DLG2: variants seen among roughly 807,000 people sequenced by gnomAD.
DLG2 encodes discs large MAGUK scaffold protein 2, also known as disks large homolog 2.
DLG2 carries 45 observed loss-of-function variants against 132.5 expected under a neutral mutation model. The observed-to-expected ratio is 0.34, with a 90% CI of 0.27 to 0.44. The LOEUF is 0.44. Ranked by LOEUF, DLG2 falls within the 20% of genes least tolerant of loss-of-function variation. DLG2 has a pLI of 1.00. For missense variants in DLG2, 1,045 were observed against 1,196.9 expected (o/e 0.87, Z 1.87); for synonymous variants, 424 against 419.6 (o/e 1.01, Z -0.13).
At chr11:84,107,976 T>C (rs2093083876) in intron 9 of DLG2, among the ~76,000 whole-genome samples, 2 of 152,134 alleles carry the variant, frequency 1.3e-5, no homozygotes, top group African/African-American at 2.4e-5. Context: ...CAGAGCTTAG[T>C]AATCTTGAAC....
chr11:85,234,797 A>G (rs1029546598), intron 4 of DLG2, among the ~76,000 whole-genome samples: 3 of 152,000 alleles, frequency 2.0e-5, no homozygotes, highest in African/African-American at 4.8e-5. Flanking sequence ...AAATCCAGCT[A>G]CAGCCACTGA....
At position 85,175,283 on chromosome 11, in the gene DLG2, G is replaced by C. The variant is rs572224200; in HGVS notation, c.187-20632C>G. On this transcript the variant is annotated intron_variant, in intron 4 of 27. Coordinates refer to ENST00000376104, the MANE Select transcript of DLG2 (RefSeq NM_001142699.3). ...CTTATCTACCATGACCCGACAGTTGGCTTCATCCCTAGGATGCAAGGTTGG... is the reference window on the plus strand; with the variant it reads ...CTTATCTACCATGACCCGACAGTTGCCTTCATCCCTAGGATGCAAGGTTGG... Among the ~76,000 whole-genome samples the C allele has an allele frequency of 3.3e-5, 5 of 152,238 alleles. No homozygotes were observed. In the South Asian group the frequency reaches 1.0e-3, roughly 32 times the overall value.
intron 3 of DLG2, among the ~76,000 whole-genome samples, chr11:85,370,167 G>C (rs1420659199): frequency 1.3e-5 from 2 of 152,158 alleles, no homozygotes; most frequent in African/African-American, 4.8e-5. Flanking sequence ...TTTGGCTGCA[G>C]TTAGCACACA....
intron 6 of DLG2, among the ~76,000 whole-genome samples, chr11:84,662,624 T>C (rs549337721): frequency 1.2e-4 from 18 of 151,790 alleles, no homozygotes; most frequent in African/African-American, 3.9e-4. Context: ...CTGTCTCTAC[T>C]AAAAATAGAA....
At chr11:84,934,515 G>GGTTTTTTTTT (rs1566441569) in intron 6 of DLG2, among the ~76,000 whole-genome samples, 69 of 40,480 alleles carry the variant, frequency 1.7e-3, no homozygotes, top group East Asian at 7.3e-3. Context: ...TTTTTTTTTT[G>GGTTTTTTTTT]TTTTGTTTTG....
intron 6 of DLG2, among the ~76,000 whole-genome samples, chr11:85,068,447 G>T (rs1437708367): frequency 6.6e-6 from 1 of 152,106 alleles, no homozygotes; most frequent in African/African-American, 2.4e-5. Context: ...GGCAACTTCA[G>T]CAAAGTCTCA....
chr11:84,079,737 T>C (rs886070074), intron 10 of DLG2, among the ~76,000 whole-genome samples: 1 of 151,472 alleles, frequency 6.6e-6, no homozygotes. Context: ...GGATAAAGAA[T>C]AAATTACTTA....
intron 6 of DLG2, among the ~76,000 whole-genome samples, chr11:84,947,897 C>T (rs1052459002): frequency 6.6e-6 from 1 of 152,080 alleles, no homozygotes; most frequent in Non-Finnish European, 1.5e-5. Flanking sequence ...ATTCATTAGA[C>T]AATGGGAGTA....
At chr11:85,338,695 T>C (rs1329124840) in intron 3 of DLG2, among the ~76,000 whole-genome samples, 1 of 142,420 alleles carries the variant, frequency 7.0e-6, no homozygotes. Context: ...CCTCTGTGTA[T>C]AAATAATTTT....
At chr11:84,908,391 C>G (rs2091749825) in intron 6 of DLG2, among the ~76,000 whole-genome samples, 1 of 152,072 alleles carries the variant, frequency 6.6e-6, no homozygotes, top group Non-Finnish European at 1.5e-5. Flanking sequence ...CTACCAATAC[C>G]TCAAGTGCTC....
At chr11:85,143,073 A>G (rs2076602885) in intron 5 of DLG2, among the ~76,000 whole-genome samples, 1 of 151,660 alleles carries the variant, frequency 6.6e-6, no homozygotes, top group Admixed American at 6.6e-5. Flanking sequence ...TCATGAAATG[A>G]GTTTGGAAGT....
Position 85,285,223 on chromosome 11 carries a change from TG to T in DLG2, c.182del (p.Ser61Ter). The T allele has an allele frequency of 1.2e-6, 2 of 1,611,098 alleles. No individual in the cohort carries two copies. Among genetic ancestry groups the T allele is most frequent in the Non-Finnish European group, 1.7e-6 (2 of 1,178,182 alleles). ...APCHDRLQKS[S>X]ELTDCSGSKE... The stretch of plus-strand genomic sequence containing the variant: ...TTTGGAAGTTTCAGTAGTATACCTC[TG>T]AAGATTTTTGAAGTCTGTCATGGCA... On this transcript the variant is annotated frameshift_variant, in exon 4 of 28. Coordinates refer to ENST00000376104, the MANE Select transcript of DLG2 (RefSeq NM_001142699.3). LOFTEE classifies it high-confidence loss of function.
intron 7 of DLG2, among the ~76,000 whole-genome samples, chr11:84,420,324 G>C (rs984693656): frequency 1.3e-5 from 2 of 152,156 alleles, no homozygotes; most frequent in African/African-American, 4.8e-5. Context: ...TCTGTGAAGA[G>C]ACAAGTCCCT....
At chr11:85,020,270 G>T (rs1349058798) in intron 6 of DLG2, among the ~76,000 whole-genome samples, 1 of 152,272 alleles carries the variant, frequency 6.6e-6, no homozygotes, top group Non-Finnish European at 1.5e-5. Context: ...GTCTTCTTTT[G>T]AGAAGTGTCT....
chr11:84,239,816 T>C (rs1248916253), intron 8 of DLG2, among the ~76,000 whole-genome samples: 1 of 152,194 alleles, frequency 6.6e-6, no homozygotes, highest in African/African-American at 2.4e-5. Context: ...TTAGAAATGA[T>C]GAAAAACTAT....
chr11:84,130,092 T>C (rs1053703261), intron 9 of DLG2, among the ~76,000 whole-genome samples: 2 of 152,000 alleles, frequency 1.3e-5, no homozygotes, highest in African/African-American at 4.8e-5. Flanking sequence ...ATTCTTGAGA[T>C]AGCACATAGT....
At chr11:84,368,210 A>G (rs528031885) in intron 7 of DLG2, among the ~76,000 whole-genome samples, 19 of 152,272 alleles carry the variant, frequency 1.2e-4, no homozygotes, top group African/African-American at 4.6e-4. Flanking sequence ...GGTCAATTGT[A>G]TTTATTCACA....
rs1243803037 is a variant in DLG2, at chr11:84,655,214, C to T, written c.358-120483G>A. Among the ~76,000 whole-genome samples, 4 of 152,156 alleles carry T rather than the reference C, an allele frequency of 2.6e-5. No individual in the cohort carries two copies. The East Asian group carries it at 7.7e-4, about 29-fold the overall frequency. Reference sequence around the variant, plus strand: ...TTAACCATTCTATTTCCTCCCGTCCCATTCCAATCTCCTTTCATTTCATAT... The same window carrying T: ...TTAACCATTCTATTTCCTCCCGTCCTATTCCAATCTCCTTTCATTTCATAT... On this transcript the variant is annotated intron_variant, in intron 6 of 27. Transcript: ENST00000376104.
chr11:84,676,622 A>G (rs2099711587), intron 6 of DLG2, among the ~76,000 whole-genome samples: 1 of 152,078 alleles, frequency 6.6e-6, no homozygotes, highest in Non-Finnish European at 1.5e-5. Context: ...TTGAAATATT[A>G]ACTAATTCAT....
Sources: gnomAD v4.1 joint callset for allele counts (sites outside exome capture counted in the v4.1 genomes callset) on GRCh38, gnomAD v4.1.1 for gene constraint, MANE v1.5 for transcripts, NCBI Gene and HGNC (gene_info 2026-07-23, HGNC 2026-07-21) for gene names.